The following PREP variants were observed in gnomAD, a reference collection of about 807,000 sequenced individuals.
PREP encodes dJ355L5.1 (prolyl endopeptidase).
In PREP, 29 loss-of-function variants were observed where a neutral mutation model predicts 87.6. That is an observed-to-expected ratio of 0.33 (90% confidence interval 0.25 to 0.45). The LOEUF (loss-of-function observed/expected upper bound fraction) is 0.45. Among genes scored for constraint, PREP ranks in the 20% least tolerant of loss-of-function variants. PREP has a pLI of 1.00. For missense variants in PREP, 695 were observed against 886.5 expected (o/e 0.78, Z 2.74); for synonymous variants, 337 against 328.6 (o/e 1.03, Z -0.28).
intron 1 of PREP, among the ~76,000 whole-genome samples, chr6:105,402,599 C>G (rs1396167238): frequency 6.6e-6 from 1 of 152,210 alleles, no homozygotes; most frequent in Admixed American, 6.5e-5. Context: ...CCCATTGATT[C>G]TAGGAAGCGG....
intron 6 of PREP, among the ~76,000 whole-genome samples, chr6:105,359,547 GTA>G (rs1772190395): frequency 6.6e-6 from 1 of 152,170 alleles, no homozygotes; most frequent in African/African-American, 2.4e-5. Context: ...ATTCTCAAGT[GTA>G]TATCTCACTG....
At chr6:105,380,060 T>G (rs888696876) in intron 2 of PREP, among the ~76,000 whole-genome samples, 1 of 152,224 alleles carries the variant, frequency 6.6e-6, no homozygotes, top group African/African-American at 2.4e-5. Context: ...CATTATAGTT[T>G]GGAAAAACCT....
Position 105,374,820 on chromosome 6 carries a change from A to G in PREP, c.386-1242T>C, listed in dbSNP as rs191454318. Among the ~76,000 whole-genome samples the G allele has an allele frequency of 4.1e-4, 63 of 152,070 alleles. 1 individual carries two copies. In the East Asian group the frequency reaches 6.8e-3, roughly 16 times the overall value. ...ATAACTTCCCTATAATACCACTCTT[A>G]GAAAACTCAATGACTGTTTGAGGCA... is the stretch of plus-strand genomic sequence containing the variant. On this transcript the variant is annotated intron_variant, in intron 4 of 14. Transcript: ENST00000652536.
chr6:105,368,883 A>G lies in PREP; in HGVS notation c.717+20T>C, dbSNP rs1772464355. 2 of 1,612,822 alleles carry G rather than the reference A, an allele frequency of 1.2e-6. No homozygotes were observed. The highest frequency in any genetic ancestry group is 1.7e-5 in the Admixed American group (1 of 59,956). On this transcript the variant is annotated intron_variant, in intron 6 of 14. Transcript: ENST00000652536. ...ATGAAACACAGTCTTTGGGGGTAAA[A>G]TTTCACAGCTGTACAATACCTCAGC...
At chr6:105,384,626 C>A (rs78507964) in intron 2 of PREP, among the ~76,000 whole-genome samples, 117 of 152,278 alleles carry the variant, frequency 7.7e-4, no homozygotes, top group African/African-American at 2.7e-3. Context: ...TCCATCAATT[C>A]TAACCCACAG....
intron 2 of PREP, among the ~76,000 whole-genome samples, chr6:105,381,481 T>C (rs899270562): frequency 1.1e-4 from 16 of 152,006 alleles, no homozygotes; most frequent in African/African-American, 3.9e-4. Context: ...AAAATGGAAG[T>C]GTTACATGGT....
intron 2 of PREP, among the ~76,000 whole-genome samples, chr6:105,392,728 C>T (rs182652658): frequency 4.7e-4 from 72 of 152,286 alleles, no homozygotes; most frequent in Middle Eastern, 3.4e-3. Flanking sequence ...AGGCATGTGC[C>T]GCCATGCACG....
intron 2 of PREP, among the ~76,000 whole-genome samples, chr6:105,393,675 T>C (rs1773219157): frequency 6.6e-6 from 1 of 152,232 alleles, no homozygotes; most frequent in Non-Finnish European, 1.5e-5. Flanking sequence ...TTCAATAATA[T>C]ATTTTATTTA....
At position 105,276,823 on chromosome 6, in the gene PREP, G is replaced by A. The variant is rs1226220709; in HGVS notation, c.*1321C>T. On this transcript the variant is annotated 3_prime_UTR_variant, in exon 15 of 15. Transcript: ENST00000652536. ...CTAATTTTTGACCATAACTTGAAAC[G>A]TAGAGAATGAGAGAGTGCTCTTAAA... 2.0e-5 allele frequency among the ~76,000 whole-genome samples: 3 copies of A among 152,138 alleles called. No homozygotes were observed. The highest frequency in any genetic ancestry group is 4.4e-5 in the Non-Finnish European group (3 of 68,018).
At chr6:105,311,010 T>G (rs1207141455) in intron 10 of PREP, among the ~76,000 whole-genome samples, 1 of 152,216 alleles carries the variant, frequency 6.6e-6, no homozygotes, top group East Asian at 1.9e-4. Context: ...CATCCTTTTT[T>G]CTCAGCCTTC....
intron 9 of PREP, among the ~76,000 whole-genome samples, chr6:105,328,448 G>C (rs542706025): frequency 2.6e-5 from 4 of 152,140 alleles, no homozygotes; most frequent in Non-Finnish European, 5.9e-5. Flanking sequence ...AGTAGAGACG[G>C]GTTTCACCAT....
At chr6:105,289,340 T>C (rs964040194) in intron 10 of PREP, among the ~76,000 whole-genome samples, 6 of 152,214 alleles carry the variant, frequency 3.9e-5, no homozygotes, top group African/African-American at 1.4e-4. Context: ...GTGAGACTTA[T>C]ATTCCAGAAA....
chr6:105,388,212 G>A (rs1219454029), intron 2 of PREP, among the ~76,000 whole-genome samples: 1 of 152,130 alleles, frequency 6.6e-6, no homozygotes, highest in Non-Finnish European at 1.5e-5. Context: ...CAAGGGGCGA[G>A]CACACACCCA....
chr6:105,390,148 T>C (rs1386312684), intron 2 of PREP, among the ~76,000 whole-genome samples: 3 of 152,168 alleles, frequency 2.0e-5, no homozygotes, highest in Non-Finnish European at 4.4e-5. Context: ...AGGATTCTTA[T>C]CCTGCAATCC....
chr6:105,320,594 G>C (rs946350831), intron 10 of PREP, among the ~76,000 whole-genome samples: 10 of 152,182 alleles, frequency 6.6e-5, no homozygotes, highest in Non-Finnish European at 1.3e-4. Flanking sequence ...CATTAAAAGA[G>C]GTTCTTGGTC....
At chr6:105,328,501 C>T (rs755506898) in intron 9 of PREP, among the ~76,000 whole-genome samples, 3 of 152,132 alleles carry the variant, frequency 2.0e-5, no homozygotes, top group East Asian at 1.9e-4. Context: ...TGACCCGCCT[C>T]GGCCTCCCAA....
chr6:105,397,617 CTA>C (rs144116911), intron 2 of PREP, among the ~76,000 whole-genome samples: 2,221 of 152,266 alleles, frequency 0.015, 59 homozygotes, highest in African/African-American at 0.051. Context: ...ATCAGTGTCA[CTA>C]TGAACCATAA....
intron 6 of PREP, among the ~76,000 whole-genome samples, chr6:105,357,419 T>C (rs915446902): frequency 3.9e-5 from 6 of 152,198 alleles, no homozygotes; most frequent in Non-Finnish European, 7.3e-5. Context: ...TAAATAGCTG[T>C]AGCAGTTTAT....
intron 2 of PREP, among the ~76,000 whole-genome samples, chr6:105,382,513 T>C (rs184033297): frequency 6.6e-6 from 1 of 152,224 alleles, no homozygotes; most frequent in African/African-American, 2.4e-5. Context: ...GAAGTGTAAA[T>C]TAAAAATACT....
Sources: allele counts gnomAD v4.1 joint callset (sites outside exome capture counted in the v4.1 genomes callset), GRCh38; gene constraint gnomAD v4.1.1; transcripts MANE v1.5; gene names NCBI Gene and HGNC (gene_info 2026-07-23, HGNC 2026-07-21).